The following MGAT4C variants were observed in gnomAD, a reference collection of about 807,000 sequenced individuals.
MGAT4C encodes MGAT4 family member C, also known as alpha-1,3-mannosyl-glycoprotein 4-beta-N-acetylglucosaminyltransferase C.
Under a neutral mutation model 40.1 loss-of-function variants are expected in MGAT4C, and 19 were observed. That is an observed-to-expected ratio of 0.47 (90% CI 0.33 to 0.70). The LOEUF is 0.70. Among genes scored for constraint, MGAT4C ranks in the 30% least tolerant of loss-of-function variants. MGAT4C has a pLI of 0.02. For synonymous variants in MGAT4C, 181 were observed against 187.1 expected (o/e 0.97, Z 0.27); for missense variants, 491 against 563.2 (o/e 0.87, Z 1.30).
intron 1 of MGAT4C, among the ~76,000 whole-genome samples, chr12:86,097,813 A>G (rs751870653): frequency 6.6e-6 from 1 of 151,624 alleles, no homozygotes; most frequent in Non-Finnish European, 1.5e-5. Flanking sequence ...CCACGTACCT[A>G]TTAAGTAAGA....
chr12:86,474,738 T>C (rs866742753), intron 2 of MGAT4C, among the ~76,000 whole-genome samples: 1 of 152,052 alleles, frequency 6.6e-6, no homozygotes, highest in Non-Finnish European at 1.5e-5. Context: ...TTTTCTAGTG[T>C]GTCAAATGGG....
At chr12:86,053,268 G>A (rs1893067517) in intron 1 of MGAT4C, among the ~76,000 whole-genome samples, 1 of 146,968 alleles carries the variant, frequency 6.8e-6, no homozygotes, top group Non-Finnish European at 1.5e-5. Flanking sequence ...TGTGTGTGTA[G>A]ATGAGATGAC....
chr12:86,590,478 C>T (rs1010493699), intron 2 of MGAT4C, among the ~76,000 whole-genome samples: 3 of 152,068 alleles, frequency 2.0e-5, no homozygotes, highest in Admixed American at 6.6e-5. Flanking sequence ...AAAAGGCAAA[C>T]AACTTATTGA....
At chr12:86,683,008 C>T (rs900214824) in intron 2 of MGAT4C, among the ~76,000 whole-genome samples, 146 of 152,250 alleles carry the variant, frequency 9.6e-4, no homozygotes, top group African/African-American at 3.5e-3. Flanking sequence ...AGATATTTCA[C>T]TGGATTGAAA....
At chr12:86,033,935 G>A (rs1174108205) in intron 2 of MGAT4C, among the ~76,000 whole-genome samples, 1 of 148,510 alleles carries the variant, frequency 6.7e-6, no homozygotes, top group Non-Finnish European at 1.5e-5. Context: ...CCTTCAATAC[G>A]TAGTTTGTTG....
chr12:86,500,724 A>G (rs1958325023), intron 2 of MGAT4C, among the ~76,000 whole-genome samples: 1 of 152,034 alleles, frequency 6.6e-6, no homozygotes, highest in African/African-American at 2.4e-5. Context: ...TACTTTATCC[A>G]ATGATGTTTA....
intron 1 of MGAT4C, among the ~76,000 whole-genome samples, chr12:86,813,337 C>T (rs1190933813): frequency 1.3e-5 from 2 of 152,096 alleles, no homozygotes; most frequent in East Asian, 3.9e-4. Context: ...CATGATATTA[C>T]ATATTTTCTG....
At chr12:86,180,809 C>A (rs1888031347) in intron 1 of MGAT4C, among the ~76,000 whole-genome samples, 1 of 152,116 alleles carries the variant, frequency 6.6e-6, no homozygotes, top group Admixed American at 6.5e-5. Flanking sequence ...AAGGGACTTG[C>A]CTTGTCTCAG....
rs560740256 is a variant in MGAT4C at position 86,798,155 on chromosome 12, G to A, written c.-262+40511C>T. On this transcript the variant is annotated intron_variant, in intron 1 of 7. Coordinates refer to the MGAT4C transcript ENST00000548651. ...ACTGACCAGATCCTTTCCATGACAC[G>A]TGAAGCCATCACAGGTTGCACACCC... Among the ~76,000 whole-genome samples the A allele has an allele frequency of 4.6e-5, 7 of 151,928 alleles. 1 individual carries two copies. The East Asian group carries it at 1.2e-3, about 25-fold the overall frequency.
At chr12:86,275,999 T>C (rs1953071960) in intron 4 of MGAT4C, among the ~76,000 whole-genome samples, 1 of 148,416 alleles carries the variant, frequency 6.7e-6, no homozygotes, top group African/African-American at 2.5e-5. Context: ...GTTGGCCGCT[T>C]GTAGTCCCAG....
Position 86,056,325 on chromosome 12 carries a change from G to T in MGAT4C, c.-56-6602C>A, listed in dbSNP as rs150295396. Among the ~76,000 whole-genome samples, 574 of 152,206 alleles carry T rather than the reference G, an allele frequency of 3.8e-3. 2 individuals carry two copies. The highest frequency in any genetic ancestry group is 0.013 in the African/African-American group (560 of 41,536). ...ATGTATACATGTGCCATGTTGGTTT[G>T]CTTCACCCATTAACTTGTCATGTAC... is the stretch of plus-strand genomic sequence containing the variant. On this transcript the variant is annotated intron_variant, in intron 1 of 4. Transcript: ENST00000611864.
intron 2 of MGAT4C, among the ~76,000 whole-genome samples, chr12:86,047,830 A>G (rs1218052437): frequency 2.6e-5 from 4 of 152,156 alleles, no homozygotes; most frequent in African/African-American, 9.7e-5. Flanking sequence ...TTGGGTTGAT[A>G]TTGCCCCTTA....
intron 2 of MGAT4C, among the ~76,000 whole-genome samples, chr12:86,580,952 A>G (rs1565863038): frequency 6.6e-6 from 1 of 151,496 alleles, no homozygotes; most frequent in Non-Finnish European, 1.5e-5. Flanking sequence ...TAATAAGCAC[A>G]CACAAATTCA....
At chr12:86,611,401 T>A (rs1251663328) in intron 2 of MGAT4C, among the ~76,000 whole-genome samples, 2 of 150,030 alleles carry the variant, frequency 1.3e-5, no homozygotes, top group Admixed American at 6.7e-5. Flanking sequence ...GGTAGGTAGG[T>A]AGGTAGGTAG....
chr12:86,248,995 C>T (rs1952157016), intron 1 of MGAT4C, among the ~76,000 whole-genome samples: 1 of 152,072 alleles, frequency 6.6e-6, no homozygotes, highest in African/African-American at 2.4e-5. Flanking sequence ...AAAAGAATGA[C>T]ACAATGCTTA....
chr12:86,716,858 AG>A (rs1207245795), intron 2 of MGAT4C, among the ~76,000 whole-genome samples: 2 of 152,140 alleles, frequency 1.3e-5, no homozygotes, highest in Admixed American at 1.3e-4. Flanking sequence ...TGTAAACAAA[AG>A]TATGCTAGTT....
At chr12:86,443,848 C>T (rs374829375) in intron 2 of MGAT4C, among the ~76,000 whole-genome samples, 167 of 152,306 alleles carry the variant, frequency 1.1e-3, no homozygotes, top group African/African-American at 3.6e-3. Flanking sequence ...CCCGCCTCGG[C>T]TTCCCAAAGT....
At chr12:86,277,948 T>G (rs1052761362) in intron 4 of MGAT4C, among the ~76,000 whole-genome samples, 1 of 152,180 alleles carries the variant, frequency 6.6e-6, no homozygotes, top group South Asian at 2.1e-4. Context: ...ATTGGCATTT[T>G]AATAGAGATT....
At chr12:86,763,648 T>C (rs1053622558) in intron 1 of MGAT4C, among the ~76,000 whole-genome samples, 1 of 152,148 alleles carries the variant, frequency 6.6e-6, no homozygotes, top group African/African-American at 2.4e-5. Context: ...ATTTTGAGCA[T>C]TTTGTAATCT....
Sources: allele counts gnomAD v4.1 joint callset (sites outside exome capture counted in the v4.1 genomes callset), GRCh38; gene constraint gnomAD v4.1.1; transcripts MANE v1.5; gene names NCBI Gene and HGNC (gene_info 2026-07-23, HGNC 2026-07-21).